Variants in ADCY5 observed in about 807,000 individuals in gnomAD.
ADCY5 encodes the protein adenylate cyclase type 5.
ADCY5 carries 30 observed loss-of-function variants against 119.7 expected under a neutral mutation model. The ratio of observed to expected loss-of-function variants is 0.25; its 90% confidence interval spans 0.19 to 0.34. ADCY5 has a LOEUF of 0.34. ADCY5 is among the 10% of genes least tolerant of loss of function. ADCY5 has a pLI of 1.00. For synonymous variants in ADCY5, 753 were observed against 762.2 expected (o/e 0.99, Z 0.20); for missense variants, 1,324 against 1,775.2 (o/e 0.75, Z 4.57).
In ADCY5 at chr3:123,304,199, G is replaced by T; in HGVS notation, c.2443-16C>A. On this transcript the variant is annotated splice_polypyrimidine_tract_variant and intron_variant, in intron 12 of 20. Coordinates refer to ENST00000462833, the MANE Select transcript of ADCY5 (RefSeq NM_183357.3). The stretch of plus-strand genomic sequence containing the variant: ...AGGGGAAGAGCTAGGGTGGGGGCAG[G>T]GGTGGAGAGGGAGGGAGGGAGAGAC... The T allele has an allele frequency of 1.4e-6, 2 of 1,390,424 alleles. No individual in the cohort carries two copies. The highest frequency in any genetic ancestry group is 2.0e-6 in the Non-Finnish European group (2 of 981,408). The allele number at this position is 1,390,424 out of a possible 1,614,324, so 86.1% of individuals were successfully genotyped here.
At chr3:123,363,788 A>T (rs1191909105) in intron 1 of ADCY5, among the ~76,000 whole-genome samples, 2 of 152,204 alleles carry the variant, frequency 1.3e-5, no homozygotes, top group African/African-American at 4.8e-5. Context: ...ATGCACCTGT[A>T]GTCCCAGCTA....
chr3:123,296,247 G>T (rs9882534), intron 16 of ADCY5, 31 bp from the exon 17 acceptor site: 33 of 1,605,926 alleles, frequency 2.1e-5, no homozygotes, highest in Middle Eastern at 1.7e-4. Context: ...GGCCTGAGAC[G>T]GCCGTGGCTC....
intron 3 of ADCY5, among the ~76,000 whole-genome samples, chr3:123,340,167 C>T (rs540280307): frequency 2.0e-5 from 3 of 151,998 alleles, no homozygotes; most frequent in African/African-American, 7.2e-5. Flanking sequence ...CAGCAGGCAC[C>T]TGGGGTCCGA....
At chr3:123,405,096 A>G (rs1944866832) in intron 1 of ADCY5, among the ~76,000 whole-genome samples, 1 of 152,258 alleles carries the variant, frequency 6.6e-6, no homozygotes, top group South Asian at 2.1e-4. Context: ...AGCTGCTGGA[A>G]GTGCCACCTG....
At chr3:123,340,053 G>A (rs1942205089) in intron 3 of ADCY5, among the ~76,000 whole-genome samples, 1 of 152,164 alleles carries the variant, frequency 6.6e-6, no homozygotes, top group Non-Finnish European at 1.5e-5. Flanking sequence ...ACTTTGGGAG[G>A]CCAAGGCAGG....
intron 1 of ADCY5, among the ~76,000 whole-genome samples, chr3:123,378,548 C>T (rs949888446): frequency 3.9e-5 from 6 of 152,164 alleles, no homozygotes; most frequent in African/African-American, 1.2e-4. Flanking sequence ...TGAGCTCCCA[C>T]CTTAGTGCTC....
chr3:123,396,807 CAGGCAGGCAGGCGA>C (rs1236980840), intron 1 of ADCY5, among the ~76,000 whole-genome samples: 2 of 84,584 alleles, frequency 2.4e-5, no homozygotes, highest in Admixed American at 1.1e-4. Context: ...GGCAGGCAGG[CAGGCAGGCAGGCGA>C]GAGAGAGAGA....
At chr3:123,414,280 C>T (rs1309970344) in intron 1 of ADCY5, among the ~76,000 whole-genome samples, 4 of 152,354 alleles carry the variant, frequency 2.6e-5, no homozygotes, top group Non-Finnish European at 5.9e-5. Flanking sequence ...CCCACACCCA[C>T]GCCCCACCTG....
At chr3:123,288,150 G>T (rs1184304812) in intron 19 of ADCY5, among the ~76,000 whole-genome samples, 1 of 152,216 alleles carries the variant, frequency 6.6e-6, no homozygotes, top group Non-Finnish European at 1.5e-5. Flanking sequence ...AAAGCACTGT[G>T]CCTATGGGAT....
At chr3:123,317,939 TCTC>T (rs1408265119) in intron 11 of ADCY5, 78 bp downstream of exon 11, 5 of 1,297,374 alleles carry the variant, frequency 3.9e-6, no homozygotes, top group Non-Finnish European at 4.4e-6. Flanking sequence ...CCTGCTCTGT[TCTC>T]CTAAATGACC....
intron 1 of ADCY5, among the ~76,000 whole-genome samples, chr3:123,399,525 T>C (rs904628089): frequency 5.3e-5 from 8 of 152,062 alleles, no homozygotes; most frequent in African/African-American, 1.9e-4. Flanking sequence ...TTTTTTTTAC[T>C]GTGGTAAAAA....
At chr3:123,303,387 A>G (rs1464424850) in intron 13 of ADCY5, among the ~76,000 whole-genome samples, 168 bp from the exon 14 acceptor site, 1 of 152,190 alleles carries the variant, frequency 6.6e-6, no homozygotes, top group Non-Finnish European at 1.5e-5. Flanking sequence ...AAGTCTGCCC[A>G]GCTGTCCTGG....
Position 123,292,437 on chromosome 3 carries a change from C to T in ADCY5, c.3064-1061G>A, listed in dbSNP as rs117039437. Among the ~76,000 whole-genome samples the T allele has an allele frequency of 3.3e-4, 50 of 152,298 alleles. 1 individual carries two copies. The East Asian group carries it at 7.7e-3, about 24-fold the overall frequency. On this transcript the variant is annotated intron_variant, in intron 17 of 20. Transcript: ENST00000462833. ...GCCCCTAAGGTAAGTGGGCTCCTGA[C>T]TGTGCTGCCCATGGCCTGGTGGCCT... is the stretch of plus-strand genomic sequence containing the variant.
chr3:123,319,985 T>C (rs1018034572), intron 9 of ADCY5, among the ~76,000 whole-genome samples, 167 bp from the exon 10 acceptor site: 6 of 152,222 alleles, frequency 3.9e-5, no homozygotes, highest in African/African-American at 1.4e-4. Context: ...GCCTAAGCCG[T>C]GCTCTTAACA....
At chr3:123,328,604 C>G (rs564074468) in intron 6 of ADCY5, 40 bp downstream of exon 6, 2 of 1,606,454 alleles carry the variant, frequency 1.2e-6, no homozygotes, top group African/African-American at 2.7e-5. Context: ...TGAGTGGGAA[C>G]CCAGGTCGGG....
chr3:123,289,652 GACC>G, intron 19 of ADCY5, 95 bp downstream of exon 19: 2 of 1,429,622 alleles, frequency 1.4e-6, no homozygotes, highest in South Asian at 1.2e-5. Context: ...TCTACCTTGG[GACC>G]ACAATGGCGG....
Position 123,297,335 on chromosome 3 carries a change from C to T in ADCY5, c.2930+18G>A, listed in dbSNP as rs778620226. The T allele has an allele frequency of 9.9e-6, 16 of 1,613,396 alleles. No homozygotes were observed. The highest frequency in any genetic ancestry group is 4.5e-5 in the East Asian group (2 of 44,880). On this transcript the variant is annotated intron_variant, in intron 16 of 20. Transcript: ENST00000462833. The stretch of plus-strand genomic sequence containing the variant: ...GCTGAGGGCAGGGAGCGACCCTATC[C>T]GAGGAGCATCAACTCACCACTGGGA...
chr3:123,366,659 G>A (rs1217978806), intron 1 of ADCY5, among the ~76,000 whole-genome samples: 5 of 152,166 alleles, frequency 3.3e-5, no homozygotes, highest in African/African-American at 7.2e-5. Flanking sequence ...GAGAATATAC[G>A]AATTTAAAAC....
In ADCY5 at chr3:123,448,676, G is replaced by T. The variant is rs1945876328; in HGVS notation, c.-131C>A. 2.5e-6 allele frequency: 2 copies of T among 814,354 alleles called. No homozygotes were observed. Among genetic ancestry groups the T allele is most frequent in the Non-Finnish European group, 3.3e-6 (2 of 606,390 alleles). The allele number at this position is 814,354 out of a possible 1,614,324, so 50.4% of individuals were successfully genotyped here. On this transcript the variant is annotated 5_prime_UTR_variant, in exon 1 of 21. Coordinates refer to ENST00000462833, the MANE Select transcript of ADCY5 (RefSeq NM_183357.3). ...CGTCGGGGGCGGCCCGGGGCCCTGC[G>T]CTGCAGCGGGGCATCTTGGCACCCC...
Sources: allele counts gnomAD v4.1 joint callset (sites outside exome capture counted in the v4.1 genomes callset), GRCh38; gene constraint gnomAD v4.1.1; transcripts MANE v1.5; gene names NCBI Gene and HGNC (gene_info 2026-07-23, HGNC 2026-07-21).